Variants in EPHA10 observed in about 807,000 individuals in gnomAD.
The protein encoded by EPHA10 is EPH receptor A10.
In EPHA10, 120 loss-of-function variants were observed where a neutral mutation model predicts 109.7. The observed-to-expected ratio is 1.09, with a 90% CI of 0.94 to 1.27. The LOEUF (loss-of-function observed/expected upper bound fraction) is 1.27, where lower values mean the gene tolerates loss of function less well. EPHA10 is among the 50% of genes most tolerant of loss of function. The pLI is 0.00. For synonymous variants in EPHA10, 640 were observed against 618.9 expected, an observed-to-expected ratio of 1.03 and a Z score of -0.51; for missense variants, 1,396 against 1,411.1, an observed-to-expected ratio of 0.99 and a Z score of 0.17.
At chr1:37,733,307 G>A (rs1057267168) in intron 6 of EPHA10, among the ~76,000 whole-genome samples, 8 of 151,702 alleles carry the variant, frequency 5.3e-5, no homozygotes, top group Admixed American at 1.3e-4. Context: ...CTGCAGCCTC[G>A]ACTTCCCGGG....
chr1:37,719,885 C>T lies in EPHA10; in HGVS notation c.2562+24G>A, dbSNP rs77852596. On this transcript the variant is annotated intron_variant, in intron 14 of 16. Transcript: ENST00000373048. Reference sequence around the variant, plus strand: ...TGAGCTGAGAGGGTCAGAAGGCATGCAGCTGGAGCCACGGGTTACTCACGT... The same window carrying T: ...TGAGCTGAGAGGGTCAGAAGGCATGTAGCTGGAGCCACGGGTTACTCACGT... 101 of 1,613,800 alleles carry T rather than the reference C, an allele frequency of 6.3e-5. No homozygotes were observed. In the East Asian group the frequency reaches 2.0e-3, roughly 32 times the overall value.
Position 37,715,987 on chromosome 1 carries a change from T to A in EPHA10, c.*2385A>T. ...AAAGAGGCACCATATCACAGACAAGTTTTTATTATCCTGCATAGAGAACCC... is the reference window on the plus strand; with the variant it reads ...AAAGAGGCACCATATCACAGACAAGATTTTATTATCCTGCATAGAGAACCC... On this transcript the variant is annotated 3_prime_UTR_variant, in exon 17 of 17. Coordinates refer to ENST00000373048, the MANE Select transcript of EPHA10 (RefSeq NM_001099439.2). 2 of 587,970 alleles carry A rather than the reference T, an allele frequency of 3.4e-6. No homozygotes were observed. Among genetic ancestry groups the A allele is most frequent in the South Asian group, 2.8e-5 (2 of 71,786 alleles). 36.4% of individuals were successfully genotyped at this position (587,970 alleles called of 1,614,324 possible). A position where few individuals can be genotyped will look rare whatever the true frequency, so the allele number is the denominator to read the frequency against.
chr1:37,739,002 G>T (rs979071531), intron 5 of EPHA10, among the ~76,000 whole-genome samples: 1 of 152,062 alleles, frequency 6.6e-6, no homozygotes, highest in African/African-American at 2.4e-5. Context: ...GGCCTGTCGC[G>T]GGGTGGAGGG....
intron 3 of EPHA10, chr1:37,761,127 G>A (rs1202624581): frequency 3.3e-6 from 4 of 1,211,536 alleles, no homozygotes; most frequent in Non-Finnish European, 4.2e-6. Flanking sequence ...TTATTGCCAT[G>A]AAAATAAATA....
chr1:37,747,991 GA>G (rs1324277058), intron 5 of EPHA10, among the ~76,000 whole-genome samples: 4 of 152,102 alleles, frequency 2.6e-5, no homozygotes, highest in African/African-American at 7.2e-5. Flanking sequence ...TAATAAATTA[GA>G]AAAAGAACAC....
intron 5 of EPHA10, among the ~76,000 whole-genome samples, chr1:37,743,989 T>G (rs2148349723): frequency 6.6e-6 from 1 of 152,292 alleles, no homozygotes; most frequent in Admixed American, 6.5e-5. Flanking sequence ...TAAAAATTTT[T>G]ACCACGTACA....
chr1:37,722,073 G>A, intron 10 of EPHA10: 1 of 461,292 alleles, frequency 2.2e-6, no homozygotes, highest in South Asian at 3.2e-5. Flanking sequence ...AGAGGTTTCA[G>A]TGAGCTGAGA....
At position 37,717,394 on chromosome 1, in the gene EPHA10, T is replaced by C. The variant is rs2148299378; in HGVS notation, c.*978A>G. The C allele has an allele frequency of 4.3e-6, 1 of 232,226 alleles. No individual in the cohort carries two copies. The highest frequency in any genetic ancestry group is 8.5e-6 in the Non-Finnish European group (1 of 117,520). The allele number at this position is 232,226 out of a possible 1,614,324, so 14.4% of individuals were successfully genotyped here. A position where few individuals can be genotyped will look rare whatever the true frequency, so the allele number is the denominator to read the frequency against. On this transcript the variant is annotated 3_prime_UTR_variant, in exon 17 of 17. Coordinates refer to ENST00000373048, the MANE Select transcript of EPHA10 (RefSeq NM_001099439.2). ...AGGACTCTCTCCCCAGAGCCAGCCTTACCCCTGGATTGGGTTCTGACCTCA... is the reference window on the plus strand; with the variant it reads ...AGGACTCTCTCCCCAGAGCCAGCCTCACCCCTGGATTGGGTTCTGACCTCA...
chr1:37,725,340 A>G (rs2148318991), intron 8 of EPHA10, among the ~76,000 whole-genome samples: 1 of 152,084 alleles, frequency 6.6e-6, no homozygotes, highest in Admixed American at 6.5e-5. Flanking sequence ...CCCCGTCTCT[A>G]CTAAAAATAC....
chr1:37,746,130 C>T (rs1354541996), intron 5 of EPHA10, among the ~76,000 whole-genome samples: 4 of 116,998 alleles, frequency 3.4e-5, no homozygotes, highest in Admixed American at 1.1e-4. Context: ...GATGGAGTTT[C>T]GCTCTTGTTG....
At chr1:37,730,354 G>A (rs10908376) in intron 7 of EPHA10, among the ~76,000 whole-genome samples, 26,184 of 152,154 alleles carry the variant, frequency 0.17, 2,445 homozygotes, top group Middle Eastern at 0.25. Context: ...GACAGCTGGT[G>A]CCAGAATGCC....
rs1228436533 is a variant in EPHA10, at chr1:37,754,480, T to G, written c.851-110A>C. ...TCCTCCAATTGCGATAGAAAAACAG[T>G]CAGGGGACTCAGCCACTCCAGTCAG... On this transcript the variant is annotated intron_variant, in intron 3 of 16. Coordinates refer to ENST00000373048, the MANE Select transcript of EPHA10 (RefSeq NM_001099439.2). This position sits in a 1 kb window ranked among gnomAD's most constrained non-coding sequence, Gnocchi z 4.5. The G allele has an allele frequency of 3.8e-6, 4 of 1,048,906 alleles. No individual in the cohort carries two copies. Among genetic ancestry groups the G allele is most frequent in the Admixed American group, 4.2e-5 (1 of 23,538 alleles). The allele number at this position is 1,048,906 out of a possible 1,614,324, so 65.0% of individuals were successfully genotyped here. A position where few individuals can be genotyped will look rare whatever the true frequency, so the allele number is the denominator to read the frequency against.
Position 37,720,570 on chromosome 1 carries a change from A to T in EPHA10, c.2209-16T>A. The T allele has an allele frequency of 6.2e-7, 1 of 1,604,000 alleles. No individual in the cohort carries two copies. Among genetic ancestry groups the T allele is most frequent in the South Asian group, 1.1e-5 (1 of 89,778 alleles). On this transcript the variant is annotated splice_polypyrimidine_tract_variant and intron_variant, in intron 12 of 16. Transcript: ENST00000373048. Reference sequence around the variant, plus strand: ...CCTCGTGCCGCTGTGGAGGGAGAAGACTGAGGCCAGGGCTGTGCGCTTGGA... The same window carrying T: ...CCTCGTGCCGCTGTGGAGGGAGAAGTCTGAGGCCAGGGCTGTGCGCTTGGA...
Position 37,752,748 on chromosome 1 carries a change from G to T in EPHA10, c.1357+128C>A, listed in dbSNP as rs1646347356. On this transcript the variant is annotated intron_variant, in intron 5 of 16. Coordinates refer to ENST00000373048, the MANE Select transcript of EPHA10 (RefSeq NM_001099439.2). ...TTTGTGTCCCGGAGAGGGGCGGGGT[G>T]CGTGTACAGAGGATGGCTTCTCTGG... is the stretch of plus-strand genomic sequence containing the variant. The T allele has an allele frequency of 4.7e-5, 24 of 510,990 alleles. No homozygotes were observed. In the South Asian group the frequency reaches 2.1e-3, roughly 44 times the overall value. The allele number at this position is 510,990 out of a possible 1,614,324, so 31.7% of individuals were successfully genotyped here.
intron 13 of EPHA10, 142 bp from the exon 14 acceptor site, chr1:37,720,200 A>G (rs1003148741): frequency 6.5e-5 from 91 of 1,404,788 alleles, no homozygotes; most frequent in Admixed American, 3.9e-4. Context: ...AAGACAGAAA[A>G]GCTGACCTCA....
At chr1:37,734,341 C>T (rs935974043) in intron 6 of EPHA10, among the ~76,000 whole-genome samples, 2 of 152,084 alleles carry the variant, frequency 1.3e-5, no homozygotes, top group African/African-American at 4.8e-5. Context: ...ATAGACCAGC[C>T]TGGCCAACAC....
intron 5 of EPHA10, among the ~76,000 whole-genome samples, chr1:37,736,657 G>A (rs374147443): frequency 2.6e-4 from 40 of 151,930 alleles, no homozygotes; most frequent in East Asian, 1.3e-3. Context: ...ACAGTGAGCC[G>A]AGATCGCGCC....
chr1:37,719,949 G>C lies in EPHA10; in HGVS notation c.2522C>G (p.Ala841Gly). ...SFGIIMWEVM[A>G]FGERPYWDMS... ...GTCCCAGTAAGGCCGCTCCCCAAAG[G>C]CCATCACCTCCCACATGATGATGCC... The change falls in exon 14 of 17, where the codon GCC (alanine) becomes GGC (glycine). Residue 841 changes from alanine (A) to glycine (G), a missense_variant. Physicochemically the swap from Ala to Gly is moderately conservative, Grantham distance 60. Coordinates refer to ENST00000373048, the MANE Select transcript of EPHA10 (RefSeq NM_001099439.2). 1 of 1,614,100 alleles carries C rather than the reference G, an allele frequency of 6.2e-7. No homozygotes were observed. The highest frequency in any genetic ancestry group is 8.5e-7 in the Non-Finnish European group (1 of 1,180,028).
At chr1:37,738,607 C>A (rs1015826813) in intron 5 of EPHA10, among the ~76,000 whole-genome samples, 2 of 152,078 alleles carry the variant, frequency 1.3e-5, no homozygotes, top group African/African-American at 4.8e-5. Context: ...TATGGAGGTT[C>A]CTTAAAAAAT....
Sources: allele counts gnomAD v4.1 joint callset (sites outside exome capture counted in the v4.1 genomes callset), GRCh38; gene constraint gnomAD v4.1.1; non-coding constraint Gnocchi (gnomAD v3.1); transcripts MANE v1.5; gene names NCBI Gene and HGNC (gene_info 2026-07-23, HGNC 2026-07-21).